The following GNB4 variants were observed in gnomAD, a reference collection of about 807,000 sequenced individuals.
The protein encoded by GNB4 is G protein subunit beta 4.
A neutral mutation model predicts 45.2 loss-of-function variants in GNB4; 28 were observed. The ratio of observed to expected loss-of-function variants is 0.62; its 90% CI spans 0.46 to 0.85. The LOEUF is 0.85. Among genes scored for constraint, GNB4 ranks in the 40% least tolerant of loss-of-function variants. GNB4 has a pLI of 0.00. For missense variants in GNB4, 321 were observed against 425.4 expected (o/e 0.75, Z 2.16); for synonymous variants, 132 against 143.7 (o/e 0.92, Z 0.58).
chr3:179,407,460 A>ATAAG (rs1283635745), intron 8 of GNB4, among the ~76,000 whole-genome samples: 17 of 152,178 alleles, frequency 1.1e-4, no homozygotes, highest in African/African-American at 3.9e-4. Context: ...CTGTCTCAAA[A>ATAAG]TAAGTAAGTA....
the GNB4 span, among the ~76,000 whole-genome samples, chr3:179,496,283 T>G: frequency 3.3e-5 from 5 of 152,198 alleles, no homozygotes; most frequent in South Asian, 1.0e-3. Context: ...CTGTAAGCCT[T>G]ATGGTAACAA....
Position 179,420,941 on chromosome 3 carries a change from AT to A in GNB4, c.58-15del. On this transcript the variant is annotated splice_polypyrimidine_tract_variant and intron_variant, in intron 2 of 9. Transcript: ENST00000232564. ...TTTCCGAGCATCCTGAAGTAAAAAA[AT>A]ATGATTATAATGCATTTAGCAACCT... The A allele has an allele frequency of 6.6e-7, 1 of 1,523,022 alleles. No homozygotes were observed. The highest frequency in any genetic ancestry group is 9.1e-7 in the Non-Finnish European group (1 of 1,101,314). 94.3% of individuals were successfully genotyped at this position (1,523,022 alleles called of 1,614,324 possible). A position where few individuals can be genotyped will look rare whatever the true frequency, so the allele number is the denominator to read the frequency against.
chr3:179,443,006 ATATAT>A (rs1168657507), intron 1 of GNB4, among the ~76,000 whole-genome samples: 1 of 152,160 alleles, frequency 6.6e-6, no homozygotes, highest in African/African-American at 2.4e-5. Flanking sequence ...AGACTTGGTT[ATATAT>A]TATTTTTGGT....
chr3:179,520,005 T>C, the GNB4 span, among the ~76,000 whole-genome samples: 1 of 152,208 alleles, frequency 6.6e-6, no homozygotes, highest in African/African-American at 2.4e-5. Context: ...CTGCGCCTTA[T>C]CAACCAAATT....
chr3:179,431,536 G>A (rs1276978218), intron 1 of GNB4, among the ~76,000 whole-genome samples: 1 of 140,460 alleles, frequency 7.1e-6, no homozygotes, highest in Non-Finnish European at 1.5e-5. Context: ...TCCAGCCTGG[G>A]TGAAGAGTGA....
the GNB4 span, among the ~76,000 whole-genome samples, chr3:179,465,774 A>G: frequency 6.7e-6 from 1 of 149,418 alleles, no homozygotes; most frequent in Non-Finnish European, 1.5e-5. Flanking sequence ...ACTTACTTCT[A>G]TAGCCTTAAA....
upstream of GNB4, among the ~76,000 whole-genome samples, chr3:179,453,131 T>C (rs553660504): frequency 1.3e-5 from 2 of 152,290 alleles, no homozygotes; most frequent in Non-Finnish European, 2.9e-5. Flanking sequence ...GCCCACATTC[T>C]TTCTTTTTTT....
chr3:179,422,067 C>A (rs1714997204), intron 2 of GNB4, among the ~76,000 whole-genome samples: 2 of 152,114 alleles, frequency 1.3e-5, no homozygotes, highest in Admixed American at 1.3e-4. Context: ...GGGTTGAACA[C>A]TATGTGTCAG....
chr3:179,416,658 T>C, intron 4 of GNB4, 102 bp from the exon 5 acceptor site: 3 of 620,384 alleles, frequency 4.8e-6, no homozygotes, highest in Non-Finnish European at 7.9e-6. Context: ...AAAATACAAT[T>C]TTTCCAACTA....
At chr3:179,418,923 A>G (rs900866466) in intron 4 of GNB4, among the ~76,000 whole-genome samples, 12 of 152,256 alleles carry the variant, frequency 7.9e-5, no homozygotes, top group African/African-American at 2.9e-4. Context: ...TGCACATTCA[A>G]GCACACACCT....
chr3:179,472,998 C>A, the GNB4 span, among the ~76,000 whole-genome samples: 1 of 152,152 alleles, frequency 6.6e-6, no homozygotes, highest in African/African-American at 2.4e-5. Flanking sequence ...CCCTTCTCTA[C>A]TAAAAATACA....
At chr3:179,517,539 C>T in the GNB4 span, among the ~76,000 whole-genome samples, 8 of 152,278 alleles carry the variant, frequency 5.3e-5, no homozygotes, top group East Asian at 1.4e-3. Flanking sequence ...CTCCTGTCCT[C>T]CTGCTCTTTG....
chr3:179,455,199 A>T (rs1715960460), upstream of GNB4, among the ~76,000 whole-genome samples: 1 of 152,194 alleles, frequency 6.6e-6, no homozygotes, highest in Admixed American at 6.5e-5. Flanking sequence ...AGGGTCAATG[A>T]TATCTGTCAC....
chr3:179,411,764 A>T (rs1455365694), intron 8 of GNB4, among the ~76,000 whole-genome samples: 1 of 152,246 alleles, frequency 6.6e-6, no homozygotes, highest in Non-Finnish European at 1.5e-5. Flanking sequence ...GATGTTTTCT[A>T]TAAAATCATG....
At chr3:179,446,697 T>C (rs927629604) in intron 1 of GNB4, among the ~76,000 whole-genome samples, 1 of 152,204 alleles carries the variant, frequency 6.6e-6, no homozygotes, top group African/African-American at 2.4e-5. Flanking sequence ...CCAGAGGGCA[T>C]ACAAAAGAAA....
the GNB4 span, among the ~76,000 whole-genome samples, chr3:179,509,679 TC>T: frequency 7.0e-6 from 1 of 142,508 alleles, no homozygotes; most frequent in African/African-American, 2.6e-5. Context: ...CTGGCCACCC[TC>T]CTCCCCACTG....
At chr3:179,445,044 A>T (rs1715684209) in intron 1 of GNB4, among the ~76,000 whole-genome samples, 1 of 152,040 alleles carries the variant, frequency 6.6e-6, no homozygotes, top group Non-Finnish European at 1.5e-5. Context: ...AAAAAAAAAA[A>T]TTAAAAATCC....
At chr3:179,486,901 C>A in the GNB4 span, among the ~76,000 whole-genome samples, 1 of 152,140 alleles carries the variant, frequency 6.6e-6, no homozygotes, top group Non-Finnish European at 1.5e-5. Context: ...AGAATAAAAC[C>A]AAAACTGTTT....
At chr3:179,417,480 C>T (rs1473969714) in intron 4 of GNB4, among the ~76,000 whole-genome samples, 3 of 151,660 alleles carry the variant, frequency 2.0e-5, no homozygotes, top group Non-Finnish European at 4.4e-5. Flanking sequence ...CGATCTCAGC[C>T]CACTGCAACC....
Sources: gnomAD v4.1 joint callset for allele counts (sites outside exome capture counted in the v4.1 genomes callset) on GRCh38, gnomAD v4.1.1 for gene constraint, MANE v1.5 for transcripts, NCBI Gene and HGNC (gene_info 2026-07-23, HGNC 2026-07-21) for gene names.